Variants in NCOA6 observed in about 807,000 individuals in gnomAD.
NCOA6 encodes the protein NRC RAP250.
NCOA6 carries 49 observed loss-of-function variants against 171.4 expected under a neutral mutation model. That is an observed-to-expected ratio of 0.29 (90% CI 0.23 to 0.36). NCOA6 has a LOEUF of 0.36. Ranked by LOEUF, NCOA6 falls within the 10% of genes least tolerant of loss-of-function variation. The pLI is 1.00. For synonymous variants in NCOA6, 910 were observed against 927.5 expected, an observed-to-expected ratio of 0.98 and a Z score of 0.34; for missense variants, 2,248 against 2,554.5, an observed-to-expected ratio of 0.88 and a Z score of 2.59.
chr20:34,814,592 A>AT (rs1601151038), intron 1 of NCOA6, among the ~76,000 whole-genome samples: 2 of 151,658 alleles, frequency 1.3e-5, no homozygotes, highest in South Asian at 4.2e-4. Flanking sequence ...TTTAAACATA[A>AT]TTTTTTTTTG....
intron 12 of NCOA6, among the ~76,000 whole-genome samples, chr20:34,736,221 A>G (rs911187667): frequency 1.6e-4 from 24 of 151,994 alleles, no homozygotes; most frequent in African/African-American, 5.6e-4. Flanking sequence ...GACTGAAATG[A>G]CTCTGCCTCC....
chr20:34,755,174 G>A (rs1434352157), intron 7 of NCOA6, among the ~76,000 whole-genome samples: 1 of 152,156 alleles, frequency 6.6e-6, no homozygotes, highest in Non-Finnish European at 1.5e-5. Context: ...AGGTTTGAGG[G>A]CTCACTTTTC....
intron 6 of NCOA6, 45 bp from the exon 7 acceptor site, chr20:34,758,149 C>G: frequency 6.4e-7 from 1 of 1,553,462 alleles, no homozygotes; most frequent in Non-Finnish European, 8.7e-7. Flanking sequence ...CTACTGCAAT[C>G]TAGATCTTAG....
At chr20:34,809,052 A>G (rs1391541637) in intron 1 of NCOA6, among the ~76,000 whole-genome samples, 3 of 152,206 alleles carry the variant, frequency 2.0e-5, no homozygotes, top group Admixed American at 6.5e-5. Flanking sequence ...ATGAATTCTG[A>G]AAATATCAGA....
At position 34,743,067 on chromosome 20, in the gene NCOA6, G is replaced by C; in HGVS notation, c.3189C>G (p.Pro1063=). 3 of 1,613,662 alleles carry C rather than the reference G, an allele frequency of 1.9e-6. No individual in the cohort carries two copies. Among genetic ancestry groups the C allele is most frequent in the Non-Finnish European group, 2.5e-6 (3 of 1,179,678 alleles). ...NVHPPRGPLN[P]DSQRMPMQQS... ...GTTGCATGGGCATTCTCTGGGAGTC[G>C]GGGTTCAGGGGGCCCCTTGGAGGAT... The change falls in exon 11 of 15, where the codon CCC becomes CCG. Residue 1063 remains proline (P), a synonymous_variant. Coordinates refer to ENST00000359003, the MANE Select transcript of NCOA6 (RefSeq NM_014071.5).
intron 5 of NCOA6, among the ~76,000 whole-genome samples, chr20:34,760,477 T>C (rs941364551): frequency 5.3e-5 from 8 of 152,200 alleles, no homozygotes; most frequent in African/African-American, 1.9e-4. Flanking sequence ...TGTGACATTT[T>C]GATTTTTGGC....
At chr20:34,782,710 T>A (rs865995853) in intron 2 of NCOA6, among the ~76,000 whole-genome samples, 2 of 152,180 alleles carry the variant, frequency 1.3e-5, no homozygotes, top group East Asian at 3.9e-4. Flanking sequence ...AACAAGTACA[T>A]ACTTTTTGAG....
At chr20:34,736,480 A>G (rs967353737) in intron 12 of NCOA6, among the ~76,000 whole-genome samples, 6 of 152,302 alleles carry the variant, frequency 3.9e-5, no homozygotes, top group African/African-American at 1.4e-4. Context: ...TGACACTATG[A>G]ATGCATGAGA....
At chr20:34,824,977 G>A (rs1297962511) in intron 1 of NCOA6, among the ~76,000 whole-genome samples, 4 of 152,018 alleles carry the variant, frequency 2.6e-5, no homozygotes, top group Non-Finnish European at 5.9e-5. Context: ...GGTCCTACCT[G>A]CATTAGGGCT....
chr20:34,795,316 A>G (rs2078027952), intron 1 of NCOA6, among the ~76,000 whole-genome samples: 1 of 152,234 alleles, frequency 6.6e-6, no homozygotes, highest in African/African-American at 2.4e-5. Flanking sequence ...TGTGACAGTC[A>G]CCAGCTTAAC....
chr20:34,776,527 G>C (rs1228885312), intron 3 of NCOA6, 79 bp from the exon 4 acceptor site: 1 of 1,498,468 alleles, frequency 6.7e-7, no homozygotes, highest in East Asian at 2.3e-5. Flanking sequence ...CAAACCAAAA[G>C]AGCAAAAGAA....
intron 11 of NCOA6, chr20:34,738,775 T>A: frequency 2.4e-6 from 1 of 417,762 alleles, no homozygotes; most frequent in South Asian, 1.6e-5. Context: ...ATTTTACAAG[T>A]GAAATACATG....
At chr20:34,803,956 T>C (rs1011272259) in intron 1 of NCOA6, among the ~76,000 whole-genome samples, 1 of 151,242 alleles carries the variant, frequency 6.6e-6, no homozygotes, top group Non-Finnish European at 1.5e-5. Flanking sequence ...CACTCCAGCC[T>C]GGGTGACAGG....
At chr20:34,760,020 G>C (rs758923410) in intron 5 of NCOA6, among the ~76,000 whole-genome samples, 23 of 152,186 alleles carry the variant, frequency 1.5e-4, no homozygotes, top group Non-Finnish European at 2.4e-4. Flanking sequence ...GCTCATGCCT[G>C]TAATCCCAGA....
chr20:34,749,813 G>A lies in NCOA6; in HGVS notation c.2382C>T (p.Ser794=), dbSNP rs745747884. 1.2e-6 allele frequency: 2 copies of A among 1,614,226 alleles called. No individual in the cohort carries two copies. The highest frequency in any genetic ancestry group is 1.7e-6 in the Non-Finnish European group (2 of 1,180,030). Residue 794 remains serine, a synonymous_variant, in exon 9 of 15, where the codon AGC becomes AGT. Coordinates refer to ENST00000359003, the MANE Select transcript of NCOA6 (RefSeq NM_014071.5). ...QGQVLRPPGP[S]PHMAQQHGDP... Reference sequence around the variant, plus strand: ...CACCATGCTGCTGGGCCATGTGTGGGCTGGGCCCTGGTGGCCGCAGGACCT... The same window carrying A: ...CACCATGCTGCTGGGCCATGTGTGGACTGGGCCCTGGTGGCCGCAGGACCT...
At chr20:34,730,537 T>C (rs1186261372) in intron 13 of NCOA6, among the ~76,000 whole-genome samples, 1 of 152,162 alleles carries the variant, frequency 6.6e-6, no homozygotes, top group Non-Finnish European at 1.5e-5. Context: ...TCTAGACAAA[T>C]AGCTGGTGCA....
At chr20:34,801,042 A>G (rs944484918) in intron 1 of NCOA6, among the ~76,000 whole-genome samples, 1 of 152,332 alleles carries the variant, frequency 6.6e-6, no homozygotes, top group South Asian at 2.1e-4. Flanking sequence ...CTAAAAATCA[A>G]TAACAAGTGA....
At chr20:34,758,708 T>TGGAAATTAGAAATTCAGCATC in intron 6 of NCOA6, 97 bp downstream of exon 6, 4 of 1,479,560 alleles carry the variant, frequency 2.7e-6, no homozygotes, top group Non-Finnish European at 2.8e-6. Context: ...ATTGTGAGTT[T>TGGAAATTAGAAATTCAGCATC]GGAAATTAGA....
intron 1 of NCOA6, among the ~76,000 whole-genome samples, chr20:34,793,663 A>G (rs2077968384): frequency 6.6e-6 from 1 of 152,154 alleles, no homozygotes; most frequent in Non-Finnish European, 1.5e-5. Context: ...AAAGATTGAT[A>G]AGTTCAAATG....
Sources: gnomAD v4.1 joint callset for allele counts (sites outside exome capture counted in the v4.1 genomes callset) on GRCh38, gnomAD v4.1.1 for gene constraint, MANE v1.5 for transcripts, NCBI Gene and HGNC (gene_info 2026-07-23, HGNC 2026-07-21) for gene names.